The following OTOGL variants were observed in gnomAD, a reference collection of about 807,000 sequenced individuals.
The protein encoded by OTOGL is otogelin like, also known as otogelin-like protein.
Under a neutral mutation model 318.5 loss-of-function variants are expected in OTOGL, and 285 were observed. That is an observed-to-expected ratio of 0.89 (90% CI 0.81 to 0.99). OTOGL has a LOEUF of 0.99. Among genes scored for constraint, OTOGL ranks in the 50% least tolerant of loss-of-function variants. OTOGL has a pLI of 0.00. For synonymous variants in OTOGL, 987 were observed against 936.5 expected (o/e 1.05, Z -0.99); for missense variants, 2,899 against 2,845.6 (o/e 1.02, Z -0.43).
intron 4 of OTOGL, 106 bp downstream of exon 4, chr12:80,212,103 T>A: frequency 8.5e-7 from 1 of 1,170,406 alleles, no homozygotes; most frequent in Non-Finnish European, 1.2e-6. Context: ...AATAAAATGC[T>A]AAGAACAAGA....
intron 38 of OTOGL, among the ~76,000 whole-genome samples, chr12:80,333,771 A>C (rs180959944): frequency 6.6e-6 from 1 of 152,274 alleles, no homozygotes; most frequent in Non-Finnish European, 1.5e-5. Context: ...TGATAAGGCA[A>C]CCTCTAAGCA....
At chr12:80,284,057 T>C (rs1884432934) in intron 26 of OTOGL, among the ~76,000 whole-genome samples, 1 of 152,038 alleles carries the variant, frequency 6.6e-6, no homozygotes, top group African/African-American at 2.4e-5. Flanking sequence ...GACCCCAGTG[T>C]ATGATGTTCC....
intron 16 of OTOGL, among the ~76,000 whole-genome samples, chr12:80,255,692 G>C (rs935502477): frequency 2.0e-5 from 3 of 151,716 alleles, no homozygotes; most frequent in African/African-American, 7.3e-5. Context: ...ATCTTTTCTT[G>C]AAATAGTAAA....
At chr12:80,171,689 A>G (rs983181957) in intron 1 of OTOGL, among the ~76,000 whole-genome samples, 6 of 152,064 alleles carry the variant, frequency 3.9e-5, no homozygotes, top group Non-Finnish European at 7.4e-5. Flanking sequence ...GTTTATATCT[A>G]CCAAACTTCT....
chr12:80,323,097 TACAC>T (rs200949284), intron 34 of OTOGL, among the ~76,000 whole-genome samples: 1,536 of 127,126 alleles, frequency 0.012, 25 homozygotes, highest in African/African-American at 0.033. Flanking sequence ...GAAAACCCAC[TACAC>T]ACACACACAC....
At chr12:80,370,834 A>G (rs1391791495) in intron 56 of OTOGL, 145 bp downstream of exon 56, 5 of 600,712 alleles carry the variant, frequency 8.3e-6, no homozygotes, top group South Asian at 5.1e-5. Flanking sequence ...GCTCTGTTCT[A>G]TTTTTCCCAT....
At chr12:80,210,979 A>T in intron 3 of OTOGL, 93 bp downstream of exon 3, 1 of 812,686 alleles carries the variant, frequency 1.2e-6, no homozygotes, top group Non-Finnish European at 1.7e-6. Context: ...TTTGAAAAAA[A>T]TAAGTGAAAT....
At chr12:80,154,112 C>A (rs1383222419) in intron 1 of OTOGL, among the ~76,000 whole-genome samples, 1 of 152,130 alleles carries the variant, frequency 6.6e-6, no homozygotes, top group African/African-American at 2.4e-5. Flanking sequence ...AGTTCAAGAC[C>A]AGCCTGGCCA....
chr12:80,372,176 A>T, intron 57 of OTOGL, 112 bp downstream of exon 57: 1 of 618,150 alleles, frequency 1.6e-6, no homozygotes, highest in East Asian at 3.5e-5. Context: ...AGAGAAACAA[A>T]TTTTATAAAA....
chr12:80,242,369 A>G (rs542353483), intron 11 of OTOGL, among the ~76,000 whole-genome samples: 1 of 152,264 alleles, frequency 6.6e-6, no homozygotes, highest in South Asian at 2.1e-4. Context: ...GGGTTTAGGG[A>G]CAAAGCAGGC....
chr12:80,215,166 C>CTTT (rs34875604), intron 4 of OTOGL, among the ~76,000 whole-genome samples: 1 of 129,046 alleles, frequency 7.7e-6, no homozygotes, highest in Non-Finnish European at 1.7e-5. Context: ...GTTTACAAGT[C>CTTT]TTTTTTTTTT....
At chr12:80,160,085 C>A (rs539575250) in intron 1 of OTOGL, among the ~76,000 whole-genome samples, 3 of 152,036 alleles carry the variant, frequency 2.0e-5, no homozygotes, top group Non-Finnish European at 4.4e-5. Context: ...TCATTTTATA[C>A]AAAAATCAAT....
intron 1 of OTOGL, among the ~76,000 whole-genome samples, chr12:80,205,627 C>T (rs1378848671): frequency 6.6e-6 from 1 of 152,108 alleles, no homozygotes; most frequent in Non-Finnish European, 1.5e-5. Flanking sequence ...TTTAAAGATA[C>T]AAGATTCTAT....
chr12:80,217,239 G>A (rs927186697), intron 4 of OTOGL, among the ~76,000 whole-genome samples: 3 of 151,950 alleles, frequency 2.0e-5, no homozygotes, highest in African/African-American at 7.3e-5. Context: ...CTCCAACCAG[G>A]CTCCTTTCAT....
chr12:80,291,992 T>C (rs1009085823), intron 26 of OTOGL, among the ~76,000 whole-genome samples: 2 of 152,082 alleles, frequency 1.3e-5, no homozygotes, highest in African/African-American at 4.8e-5. Context: ...TTCTTTTTCT[T>C]TTTTTGTTTT....
chr12:80,212,147 A>G, intron 4 of OTOGL, 150 bp downstream of exon 4: 2 of 738,972 alleles, frequency 2.7e-6, no homozygotes, highest in Non-Finnish European at 4.3e-6. Flanking sequence ...AGTAACCTCT[A>G]TTGCTTTTCT....
At chr12:80,308,954 G>C (rs1026598060) in intron 29 of OTOGL, among the ~76,000 whole-genome samples, 3 of 150,034 alleles carry the variant, frequency 2.0e-5, no homozygotes, top group African/African-American at 7.4e-5. Context: ...GAGGGAGACC[G>C]TGGAAAGAGA....
chr12:80,162,220 A>T (rs377151065), intron 1 of OTOGL, among the ~76,000 whole-genome samples: 1 of 152,182 alleles, frequency 6.6e-6, no homozygotes, highest in Non-Finnish European at 1.5e-5. Context: ...CCTTTGAGAA[A>T]TGGCAATCAC....
rs145033003 is a variant in OTOGL at position 80,187,377 on chromosome 12, A to G, written c.-19-22036A>G. ...CCTGCTGGGGCCAATCTGTGGCCATACCTGAGCCAGTCCTGAAGATCCAGC... is the reference window on the plus strand; with the variant it reads ...CCTGCTGGGGCCAATCTGTGGCCATGCCTGAGCCAGTCCTGAAGATCCAGC... On this transcript the variant is annotated intron_variant, in intron 1 of 58. Coordinates refer to ENST00000547103, the MANE Select transcript of OTOGL (RefSeq NM_001378609.3). Among the ~76,000 whole-genome samples, 275 of 152,164 alleles carry G rather than the reference A, an allele frequency of 1.8e-3. 2 individuals are homozygous for G. Among genetic ancestry groups the G allele is most frequent in the African/African-American group, 6.5e-3 (269 of 41,516 alleles).
Sources: allele counts gnomAD v4.1 joint callset (sites outside exome capture counted in the v4.1 genomes callset), GRCh38; gene constraint gnomAD v4.1.1; transcripts MANE v1.5; gene names NCBI Gene and HGNC (gene_info 2026-07-23, HGNC 2026-07-21).